Variants in NAV2 observed in about 807,000 individuals in gnomAD.
The protein encoded by NAV2 is neuron navigator 2.
In NAV2, 54 loss-of-function variants were observed where a neutral mutation model predicts 223.2. That is an observed-to-expected ratio of 0.24 (90% CI 0.19 to 0.30). NAV2 has a LOEUF of 0.30. Among genes scored for constraint, NAV2 ranks in the 10% least tolerant of loss-of-function variants. NAV2 has a pLI of 1.00. For synonymous variants in NAV2, 1,279 were observed against 1,239.3 expected (o/e 1.03, Z -0.67); for missense variants, 2,806 against 3,147.5 (o/e 0.89, Z 2.60).
intron 1 of NAV2, among the ~76,000 whole-genome samples, chr11:19,600,809 G>T (rs780949640): frequency 6.6e-6 from 1 of 152,216 alleles, no homozygotes; most frequent in Non-Finnish European, 1.5e-5. Context: ...TTATCCTACA[G>T]ATGAAGAAAT....
chr11:19,820,945 T>C (rs1001721700), intron 1 of NAV2, among the ~76,000 whole-genome samples: 1 of 152,134 alleles, frequency 6.6e-6, no homozygotes, highest in Non-Finnish European at 1.5e-5. Flanking sequence ...TTCTATTATA[T>C]GAAGTATGAA....
In NAV2 at chr11:19,534,631, T is replaced by A. The variant is rs149840549; in HGVS notation, c.75+183604T>A. On this transcript the variant is annotated intron_variant, in intron 1 of 37. Coordinates refer to the NAV2 transcript ENST00000360655. ...AGATGCAAGAAGATACAGGGGATCA[T>A]GGATGGCTCCCAGGGAGCAGGGAAG... is the stretch of plus-strand genomic sequence containing the variant. Among the ~76,000 whole-genome samples, 133 of 152,284 alleles carry A rather than the reference T, an allele frequency of 8.7e-4. 2 individuals are homozygous for A. Among genetic ancestry groups the A allele is most frequent in the African/African-American group, 3.1e-3 (129 of 41,554 alleles).
intron 1 of NAV2, among the ~76,000 whole-genome samples, chr11:19,743,759 G>T (rs1323746762): frequency 2.6e-5 from 4 of 152,252 alleles, no homozygotes; most frequent in African/African-American, 9.6e-5. Flanking sequence ...AGAGCCTAGT[G>T]CTCAGAGTTG....
intron 1 of NAV2, among the ~76,000 whole-genome samples, chr11:19,733,559 A>T (rs542200454): frequency 1.3e-5 from 2 of 152,352 alleles, no homozygotes; most frequent in Admixed American, 6.5e-5. Flanking sequence ...CTGCACCGTT[A>T]GTTCCTGACT....
At chr11:19,557,683 G>A (rs1325045832) in intron 1 of NAV2, among the ~76,000 whole-genome samples, 1 of 152,110 alleles carries the variant, frequency 6.6e-6, no homozygotes, top group African/African-American at 2.4e-5. Context: ...AGCAGTGAAC[G>A]CGAAAAGCCT....
intron 6 of NAV2, among the ~76,000 whole-genome samples, chr11:19,895,660 T>C (rs1265676858): frequency 6.6e-6 from 1 of 152,158 alleles, no homozygotes; most frequent in Non-Finnish European, 1.5e-5. Context: ...AAATAACTGA[T>C]GGTGGTCCCA....
intron 1 of NAV2, among the ~76,000 whole-genome samples, chr11:19,368,270 A>G (rs1464899356): frequency 2.0e-5 from 3 of 152,222 alleles, no homozygotes; most frequent in Non-Finnish European, 4.4e-5. Context: ...CAGCCAGACC[A>G]AGAGGTCCTA....
rs549594826 is a variant in NAV2 at position 19,443,587 on chromosome 11, TG to T, written c.75+92561del. Among the ~76,000 whole-genome samples the T allele has an allele frequency of 2.4e-4, 36 of 152,344 alleles. 2 individuals carry two copies. In the East Asian group the frequency reaches 7.0e-3, roughly 29 times the overall value. ...ACTAAGGCATCTCTTTGCATCCTTT[TG>T]CTCCTTTCTTCACATGGGTTTTCTT... is the stretch of plus-strand genomic sequence containing the variant. On this transcript the variant is annotated intron_variant, in intron 1 of 37. Transcript: ENST00000360655.
At chr11:19,768,035 C>A (rs944553969) in intron 1 of NAV2, among the ~76,000 whole-genome samples, 4 of 152,242 alleles carry the variant, frequency 2.6e-5, no homozygotes, top group Non-Finnish European at 5.9e-5. Context: ...GCTGGGACAG[C>A]AAATCCTCAG....
chr11:20,077,984 G>C lies in NAV2; in HGVS notation c.5068-9G>C. ...TTTAGGCTGACCAATAATTTTTTCT[G>C]TTCCCTAGGACTCAGAACTGAATGA... On this transcript the variant is annotated splice_polypyrimidine_tract_variant and intron_variant, in intron 23 of 37. Transcript: ENST00000349880. 1.9e-6 allele frequency: 3 copies of C among 1,604,482 alleles called. No individual in the cohort carries two copies. The highest frequency in any genetic ancestry group is 2.6e-6 in the Non-Finnish European group (3 of 1,172,098).
chr11:19,617,139 C>T (rs2046821192), intron 1 of NAV2, among the ~76,000 whole-genome samples: 1 of 152,146 alleles, frequency 6.6e-6, no homozygotes, highest in African/African-American at 2.4e-5. Flanking sequence ...GGCAACACCA[C>T]ATGTTTCTTT....
At chr11:19,725,946 C>T (rs192089937) in intron 1 of NAV2, among the ~76,000 whole-genome samples, 59 of 152,290 alleles carry the variant, frequency 3.9e-4, no homozygotes, top group East Asian at 3.1e-3. Context: ...AGGCCATGGG[C>T]GAGGCCAGGC....
intron 8 of NAV2, among the ~76,000 whole-genome samples, chr11:19,941,379 T>C (rs924780097): frequency 1.4e-5 from 2 of 147,000 alleles, no homozygotes; most frequent in African/African-American, 5.2e-5. Context: ...GGGTGACATG[T>C]CTTTATATTC....
At chr11:19,976,859 T>G (rs1415677037) in intron 10 of NAV2, among the ~76,000 whole-genome samples, 1 of 152,330 alleles carries the variant, frequency 6.6e-6, no homozygotes, top group Non-Finnish European at 1.5e-5. Flanking sequence ...CACGTCATCC[T>G]ATGCTCTGAA....
At chr11:19,868,739 C>T (rs1288864535) in intron 3 of NAV2, among the ~76,000 whole-genome samples, 186 bp from the exon 4 acceptor site, 2 of 152,162 alleles carry the variant, frequency 1.3e-5, no homozygotes, top group African/African-American at 2.4e-5. Flanking sequence ...CAACTTTTGG[C>T]ACTATGTGGT....
intron 14 of NAV2, among the ~76,000 whole-genome samples, chr11:20,048,355 T>A (rs1204763805): frequency 6.6e-6 from 1 of 152,196 alleles, no homozygotes; most frequent in Non-Finnish European, 1.5e-5. Flanking sequence ...ACAGAGATGA[T>A]GAAGACAACC....
At chr11:19,368,316 A>T (rs1848358602) in intron 1 of NAV2, among the ~76,000 whole-genome samples, 2 of 152,204 alleles carry the variant, frequency 1.3e-5, no homozygotes, top group African/African-American at 4.8e-5. Flanking sequence ...GGCTACATTA[A>T]GTTTGCTTTT....
At chr11:20,069,741 C>T (rs1282330478) in intron 22 of NAV2, among the ~76,000 whole-genome samples, 4 of 152,174 alleles carry the variant, frequency 2.6e-5, no homozygotes, top group South Asian at 2.1e-4. Context: ...CACAGCATGT[C>T]GTTAAAATGG....
chr11:20,085,195 TAAA>T (rs5790106), intron 26 of NAV2, among the ~76,000 whole-genome samples: 1 of 144,274 alleles, frequency 6.9e-6, no homozygotes, highest in East Asian at 2.0e-4. Context: ...TGTCTCTATT[TAAA>T]AAAAAAAAAA....
Sources: gnomAD v4.1 joint callset for allele counts (sites outside exome capture counted in the v4.1 genomes callset) on GRCh38, gnomAD v4.1.1 for gene constraint, MANE v1.5 for transcripts, NCBI Gene and HGNC (gene_info 2026-07-23, HGNC 2026-07-21) for gene names.